The following PPP1R13L variants were observed in gnomAD, a reference collection of about 807,000 sequenced individuals.
The protein encoded by PPP1R13L is protein phosphatase 1 regulatory subunit 13 like.
PPP1R13L carries 50 observed loss-of-function variants against 80.9 expected under a neutral mutation model. That is an observed-to-expected ratio of 0.62 (90% CI 0.49 to 0.78). PPP1R13L has a LOEUF of 0.78. PPP1R13L is among the 30% of genes least tolerant of loss of function. The probability of loss-of-function intolerance (pLI) is 0.00; values close to 1 mark genes in which losing one functional copy is unlikely to be tolerated. For missense variants in PPP1R13L, 1,200 were observed against 1,205.9 expected (o/e 1.00, Z 0.07); for synonymous variants, 602 against 534.3 (o/e 1.13, Z -1.75).
intron 1 of PPP1R13L, among the ~76,000 whole-genome samples, chr19:45,400,010 G>A (rs371440598): frequency 5.3e-5 from 8 of 151,772 alleles, no homozygotes; most frequent in African/African-American, 1.4e-4. Flanking sequence ...GCCGTGCACC[G>A]AAAGCTTCAT....
In PPP1R13L at chr19:45,395,802, G is replaced by C; in HGVS notation, c.988C>G (p.Arg330Gly). The C allele has an allele frequency of 6.3e-7, 1 of 1,583,552 alleles. No individual in the cohort carries two copies. Among genetic ancestry groups the C allele is most frequent in the South Asian group, 1.1e-5 (1 of 87,330 alleles). Reference protein sequence around the residue: ...SDRRSDAGSYRRSLGSAGPSG... With the variant: ...SDRRSDAGSYGRSLGSAGPSG... ...GGCCCCGCGGAGCCCAGCGAGCGCC[G>C]GTAGCTGCCCGCGTCTGAACGCCGG... Residue 330 changes from arginine to glycine, a missense_variant, in exon 7 of 13, where the codon CGG (arginine) becomes GGG (glycine). By Grantham distance (125) the Arg-to-Gly change is moderately radical (BLOSUM62 -2). Transcript: ENST00000360957.
At position 45,398,455 on chromosome 19, in the gene PPP1R13L, A is replaced by C. The variant is rs1303106708; in HGVS notation, c.-21-116T>G. On this transcript the variant is annotated intron_variant, in intron 1 of 12. Transcript: ENST00000360957. Reference sequence around the variant, plus strand: ...GCCTCAACTCAGTTCCTTCCCCTGGAAGCCCTTTACCCTTTCACCTCCCCA... The same window carrying C: ...GCCTCAACTCAGTTCCTTCCCCTGGCAGCCCTTTACCCTTTCACCTCCCCA... The C allele has an allele frequency of 5.8e-6, 6 of 1,039,274 alleles. No homozygotes were observed. The African/African-American group carries it at 8.0e-5, about 14-fold the overall frequency. 64.4% of individuals were successfully genotyped at this position (1,039,274 alleles called of 1,614,324 possible).
Position 45,386,155 on chromosome 19 carries a change from G to A in PPP1R13L, c.1841C>T (p.Ala614Val). The part of the protein sequence containing the change: ...SMEMRSVLRK[A>V]GSPRKARRAR... ...GCGGCGGGCCTTGCGCGGGGAGCCC[G>A]CCTTCCGCAGCACAGAGCGCATCTC... The change falls in exon 9 of 13, where the codon GCG becomes GTG. Residue 614 changes from alanine to valine, a missense_variant. Transcript: ENST00000360957. 6.5e-7 allele frequency: 1 copy of A among 1,537,342 alleles called. No homozygotes were observed. The highest frequency in any genetic ancestry group is 8.7e-7 in the Non-Finnish European group (1 of 1,155,918).
chr19:45,392,761 T>A (rs1276388670), intron 7 of PPP1R13L: 2 of 284,850 alleles, frequency 7.0e-6, no homozygotes, highest in East Asian at 2.3e-4. Context: ...TCCTGAGAGT[T>A]TCCTCTCCTA....
chr19:45,387,684 A>G (rs1208577170), intron 8 of PPP1R13L, among the ~76,000 whole-genome samples: 11 of 152,082 alleles, frequency 7.2e-5, no homozygotes. Context: ...CCTGCCAAGT[A>G]GCTGGGACTA....
chr19:45,399,734 G>C (rs921765485), intron 1 of PPP1R13L, among the ~76,000 whole-genome samples: 2 of 151,834 alleles, frequency 1.3e-5, no homozygotes, highest in African/African-American at 4.8e-5. Flanking sequence ...TGGATGGATC[G>C]CTTGAAGCCA....
chr19:45,396,658 C>A lies in PPP1R13L; in HGVS notation c.599G>T (p.Arg200Leu). 6.8e-7 allele frequency: 1 copy of A among 1,463,440 alleles called. No individual in the cohort carries two copies. The highest frequency in any genetic ancestry group is 8.9e-7 in the Non-Finnish European group (1 of 1,118,730). 90.7% of individuals were successfully genotyped at this position (1,463,440 alleles called of 1,614,324 possible). The change falls in exon 4 of 13, where the codon CGT (arginine) becomes CTT (leucine). Residue 200 changes from arginine (R) to leucine (L), a missense_variant. This residue lies in a region of PPP1R13L where 764 missense variants were observed against 714.5 expected (regional missense o/e 1.07). Coordinates refer to ENST00000360957, the MANE Select transcript of PPP1R13L (RefSeq NM_006663.4). The surrounding 1 kb of genome is among the most constrained non-coding windows in gnomAD (Gnocchi z 5.3). ...AEGPQAFFPE[R>L]GPSPRPPATA... ...GGCAGGGGGGCGCGGTGACGGCCCA[C>A]GCTCGGGGAAGAAGGCCTGGGGCCC...
intron 1 of PPP1R13L, among the ~76,000 whole-genome samples, chr19:45,404,492 A>G (rs1973290713): frequency 6.6e-6 from 1 of 152,166 alleles, no homozygotes; most frequent in Admixed American, 6.5e-5. Context: ...GCCGGGACAC[A>G]GCCTCCGGAG....
chr19:45,405,175 G>C, upstream of PPP1R13L: 2 of 309,182 alleles, frequency 6.5e-6, no homozygotes, highest in Non-Finnish European at 9.5e-6. Flanking sequence ...CTTGGGACTT[G>C]TAGTCCCGGA....
At chr19:45,385,353 T>C (rs1294776742) in intron 11 of PPP1R13L, among the ~76,000 whole-genome samples, 1 of 152,230 alleles carries the variant, frequency 6.6e-6, no homozygotes, top group Non-Finnish European at 1.5e-5. Flanking sequence ...CCAGCTCGCA[T>C]AGCACAGCCT....
rs753562831 is a variant in PPP1R13L at position 45,385,840 on chromosome 19, G to C, written c.2065C>G (p.Pro689Ala). The C allele has an allele frequency of 2.4e-5, 38 of 1,611,314 alleles. No individual in the cohort carries two copies. The Middle Eastern group carries it at 4.9e-4, about 21-fold the overall frequency. Residue 689 changes from proline (P) to alanine (A), a missense_variant, in exon 10 of 13, where the codon CCC (proline) becomes GCC (alanine). By Grantham distance (27) the Pro-to-Ala change is conservative. Coordinates refer to ENST00000360957, the MANE Select transcript of PPP1R13L (RefSeq NM_006663.4). ...GGGGCTCACCAGCCGTGGCTGTCGG[G>C]GGAGTTGACATTGGCACCCGCGGTG... The part of the protein sequence containing the change: ...LITAGANVNS[P>A]DSHGWTPLHC...
intron 1 of PPP1R13L, among the ~76,000 whole-genome samples, chr19:45,398,614 TGA>T (rs1242695023): frequency 6.7e-6 from 1 of 149,318 alleles, no homozygotes; most frequent in Non-Finnish European, 1.5e-5. Context: ...TGTATGTGTG[TGA>T]GACAGAGTCT....
chr19:45,391,962 C>A lies in PPP1R13L; in HGVS notation c.1733G>T (p.Gly578Val). Residue 578 changes from glycine (G) to valine (V), a missense_variant, in exon 8 of 13, where the codon GGG (glycine) becomes GTG (valine). Coordinates refer to ENST00000360957, the MANE Select transcript of PPP1R13L (RefSeq NM_006663.4). The stretch of plus-strand genomic sequence containing the variant: ...AGCTGGTGGGGCAGGAGCAGGGGGC[C>A]CTGCCCTGGCCTCAGATCCCTCAGT... Reference protein sequence around the residue: ...PITEGSEARAGPPAPAPPAPI... With the variant: ...PITEGSEARAVPPAPAPPAPI... 6.6e-7 allele frequency: 1 copy of A among 1,514,970 alleles called. No individual in the cohort carries two copies. The allele number at this position is 1,514,970 out of a possible 1,614,324, so 93.8% of individuals were successfully genotyped here.
In PPP1R13L at chr19:45,386,136, G is replaced by C; in HGVS notation, c.1860C>G (p.Ala620=). Residue 620 remains alanine, a synonymous_variant, in exon 9 of 13, where the codon GCC becomes GCG. Coordinates refer to ENST00000360957, the MANE Select transcript of PPP1R13L (RefSeq NM_006663.4). ...CCAGAGGGTTGAGGCGCGCGCGGCG[G>C]GCCTTGCGCGGGGAGCCCGCCTTCC... ...VLRKAGSPRK[A]RRARLNPLVL... is the part of the protein sequence containing the mutation. The C allele has an allele frequency of 6.5e-7, 1 of 1,542,614 alleles. No homozygotes were observed. Among genetic ancestry groups the C allele is most frequent in the Non-Finnish European group, 8.6e-7 (1 of 1,157,326 alleles).
In PPP1R13L at chr19:45,380,011, A is replaced by C; in HGVS notation, c.*179T>G. Reference sequence around the variant, plus strand: ...TCCCAAGGCTAAGGCAGATTACTAAATTTAAGGCTGGGGCCCTCCTTCTTC... The same window carrying C: ...TCCCAAGGCTAAGGCAGATTACTAACTTTAAGGCTGGGGCCCTCCTTCTTC... On this transcript the variant is annotated 3_prime_UTR_variant, in exon 13 of 13. Coordinates refer to ENST00000360957, the MANE Select transcript of PPP1R13L (RefSeq NM_006663.4). 1 of 689,668 alleles carries C rather than the reference A, an allele frequency of 1.4e-6. No homozygotes were observed. Among genetic ancestry groups the C allele is most frequent in the Admixed American group, 2.5e-5 (1 of 39,666 alleles). 42.7% of individuals were successfully genotyped at this position (689,668 alleles called of 1,614,324 possible).
At chr19:45,394,382 A>G (rs1196164283) in intron 7 of PPP1R13L, among the ~76,000 whole-genome samples, 3 of 152,074 alleles carry the variant, frequency 2.0e-5, no homozygotes, top group Non-Finnish European at 2.9e-5. Flanking sequence ...AGCTCAAGCA[A>G]TCCTGTCTGC....
intron 7 of PPP1R13L, among the ~76,000 whole-genome samples, chr19:45,393,855 G>A (rs1348407126): frequency 1.3e-5 from 2 of 151,924 alleles, no homozygotes; most frequent in Non-Finnish European, 2.9e-5. Flanking sequence ...AAGAAAGAGC[G>A]AGACTCTGTC....
chr19:45,381,658 C>T (rs1478952551), intron 12 of PPP1R13L, among the ~76,000 whole-genome samples: 1 of 151,728 alleles, frequency 6.6e-6, no homozygotes, highest in Non-Finnish European at 1.5e-5. Context: ...CAGCCAGGTG[C>T]GGTGGCACAT....
chr19:45,384,710 C>T (rs1046667388), intron 11 of PPP1R13L, among the ~76,000 whole-genome samples: 1 of 151,732 alleles, frequency 6.6e-6, no homozygotes, highest in Non-Finnish European at 1.5e-5. Context: ...AAAAATGAGT[C>T]GGGCATGGTG....
Sources: gnomAD v4.1 joint callset for allele counts (sites outside exome capture counted in the v4.1 genomes callset) on GRCh38, gnomAD v4.1.1 for gene constraint, gnomAD v4.1.1 regional missense constraint, Gnocchi (gnomAD v3.1) non-coding constraint, MANE v1.5 for transcripts, NCBI Gene and HGNC (gene_info 2026-07-23, HGNC 2026-07-21) for gene names.